POU2F1: variants seen among roughly 807,000 people sequenced by gnomAD.
POU2F1 encodes POU class 2 homeobox 1.
In POU2F1, 16 loss-of-function variants were observed where a neutral mutation model predicts 84.9. The observed-to-expected ratio is 0.19, with a 90% CI of 0.13 to 0.29. The LOEUF (loss-of-function observed/expected upper bound fraction) is 0.29. POU2F1 is among the 10% of genes least tolerant of loss of function. POU2F1 has a pLI of 1.00. For synonymous variants in POU2F1, 368 were observed against 368.3 expected (o/e 1.00, Z 0.01); for missense variants, 738 against 942.6 (o/e 0.78, Z 2.84).
intron 1 of POU2F1, among the ~76,000 whole-genome samples, chr1:167,256,681 A>G (rs1396181557): frequency 6.6e-6 from 1 of 152,146 alleles, no homozygotes; most frequent in Non-Finnish European, 1.5e-5. Flanking sequence ...TTACGAAATG[A>G]TAGTCTTTGG....
intron 1 of POU2F1, among the ~76,000 whole-genome samples, chr1:167,300,358 C>T (rs560555254): frequency 9.2e-5 from 14 of 152,290 alleles, no homozygotes; most frequent in African/African-American, 3.4e-4. Flanking sequence ...GAAGCCAAAA[C>T]TTCAGTATCA....
chr1:167,229,022 G>C (rs1648859075), intron 1 of POU2F1, among the ~76,000 whole-genome samples: 1 of 152,042 alleles, frequency 6.6e-6, no homozygotes, highest in Non-Finnish European at 1.5e-5. Context: ...ATTAAGTGTG[G>C]GTAATAGCAA....
chr1:167,303,090 A>G (rs1437811674), intron 1 of POU2F1, among the ~76,000 whole-genome samples: 1 of 152,158 alleles, frequency 6.6e-6, no homozygotes, highest in Non-Finnish European at 1.5e-5. Flanking sequence ...TAAAGCCAGT[A>G]GATACTTGTA....
At chr1:167,321,957 GT>G (rs1191037215) in intron 1 of POU2F1, among the ~76,000 whole-genome samples, 1 of 152,124 alleles carries the variant, frequency 6.6e-6, no homozygotes, top group Non-Finnish European at 1.5e-5. Context: ...ATAGTCCCAG[GT>G]TGTCCATTGG....
chr1:167,290,118 C>T (rs1019319967), intron 1 of POU2F1, among the ~76,000 whole-genome samples: 3 of 152,004 alleles, frequency 2.0e-5, no homozygotes, highest in African/African-American at 7.3e-5. Flanking sequence ...AGGCTGGGTG[C>T]GGTGGTTCAT....
At chr1:167,348,738 C>T (rs191369685) in intron 2 of POU2F1, among the ~76,000 whole-genome samples, 110 of 152,168 alleles carry the variant, frequency 7.2e-4, no homozygotes, top group African/African-American at 2.6e-3. Flanking sequence ...TGACTTGTCA[C>T]CTTGGTTGTT....
chr1:167,371,825 T>C (rs1166878726), intron 4 of POU2F1, 92 bp from the exon 5 acceptor site: 2 of 1,535,064 alleles, frequency 1.3e-6, no homozygotes, highest in African/African-American at 2.7e-5. Flanking sequence ...AATAAGCTCA[T>C]GTTTTAAATG....
chr1:167,346,515 C>A (rs970742043), intron 2 of POU2F1, among the ~76,000 whole-genome samples: 1 of 152,098 alleles, frequency 6.6e-6, no homozygotes, highest in Non-Finnish European at 1.5e-5. Context: ...CCACAGACAG[C>A]GAGTAGGGGA....
intron 1 of POU2F1, among the ~76,000 whole-genome samples, chr1:167,269,955 G>T (rs1402764813): frequency 6.6e-6 from 1 of 150,894 alleles, no homozygotes; most frequent in East Asian, 1.9e-4. Flanking sequence ...TTAGGACAAC[G>T]TATGTTTTCT....
At chr1:167,272,827 G>T (rs1652468989) in intron 1 of POU2F1, among the ~76,000 whole-genome samples, 1 of 152,070 alleles carries the variant, frequency 6.6e-6, no homozygotes, top group South Asian at 2.1e-4. Flanking sequence ...AATCTCTCAT[G>T]TCCTTCTCAC....
At chr1:167,408,322 A>G (rs1332420822) in intron 13 of POU2F1, among the ~76,000 whole-genome samples, 3 of 152,218 alleles carry the variant, frequency 2.0e-5, no homozygotes, top group African/African-American at 7.2e-5. Context: ...ACATCTTGGC[A>G]GTTCTTTTAA....
intron 1 of POU2F1, among the ~76,000 whole-genome samples, chr1:167,233,539 G>A (rs1649224585): frequency 6.6e-6 from 1 of 152,138 alleles, no homozygotes; most frequent in Admixed American, 6.5e-5. Flanking sequence ...GGAGCAACAG[G>A]CTATACCATA....
At chr1:167,398,452 G>C (rs1484342498) in intron 11 of POU2F1, among the ~76,000 whole-genome samples, 3 of 152,080 alleles carry the variant, frequency 2.0e-5, no homozygotes, top group Non-Finnish European at 4.4e-5. Flanking sequence ...ATGCATGAGC[G>C]TTTCCCCCTC....
At chr1:167,291,035 A>G (rs985237854) in intron 1 of POU2F1, among the ~76,000 whole-genome samples, 2 of 125,526 alleles carry the variant, frequency 1.6e-5, no homozygotes, top group African/African-American at 6.3e-5. Context: ...AAAGAGTGAG[A>G]CCCTGTCAGA....
chr1:167,279,262 G>A (rs933428007), intron 1 of POU2F1, among the ~76,000 whole-genome samples: 1 of 152,210 alleles, frequency 6.6e-6, no homozygotes, highest in African/African-American at 2.4e-5. Context: ...TCAGTCTTTT[G>A]TTTTATAATG....
At chr1:167,268,552 C>G (rs752147651) in intron 1 of POU2F1, among the ~76,000 whole-genome samples, 1 of 152,248 alleles carries the variant, frequency 6.6e-6, no homozygotes, top group African/African-American at 2.4e-5. Flanking sequence ...ACCAAAAGTG[C>G]ACCCTACATG....
At chr1:167,269,302 C>T (rs569440095) in intron 1 of POU2F1, among the ~76,000 whole-genome samples, 53 of 152,298 alleles carry the variant, frequency 3.5e-4, no homozygotes, top group Non-Finnish European at 6.3e-4. Flanking sequence ...ATGTCAGTTA[C>T]GTTTGCAAAG....
chr1:167,324,656 C>CA (rs1250783080), intron 1 of POU2F1, among the ~76,000 whole-genome samples: 1 of 152,136 alleles, frequency 6.6e-6, no homozygotes, highest in Non-Finnish European at 1.5e-5. Flanking sequence ...CCTGAGTCCC[C>CA]AACCCCCACC....
intron 1 of POU2F1, among the ~76,000 whole-genome samples, chr1:167,256,913 T>G (rs1651181540): frequency 6.6e-6 from 1 of 152,282 alleles, no homozygotes; most frequent in South Asian, 2.1e-4. Context: ...GGGAGAGAGA[T>G]ACTTATAAAG....
Sources: allele counts gnomAD v4.1 joint callset (sites outside exome capture counted in the v4.1 genomes callset), GRCh38; gene constraint gnomAD v4.1.1; transcripts MANE v1.5; gene names NCBI Gene and HGNC (gene_info 2026-07-23, HGNC 2026-07-21).